Variants in PRKN observed in about 807,000 individuals in gnomAD.
The protein encoded by PRKN is parkin RBR E3 ubiquitin protein ligase, also known as E3 ubiquitin-protein ligase parkin.
Under a neutral mutation model 59.5 loss-of-function variants are expected in PRKN, and 56 were observed. The ratio of observed to expected loss-of-function variants is 0.94; its 90% CI spans 0.76 to 1.18. PRKN has a LOEUF of 1.18. Ranked by LOEUF, PRKN falls within the 50% of genes most tolerant of loss-of-function variation. The pLI, the probability that PRKN is intolerant of heterozygous loss-of-function variation, is 0.00. For synonymous variants in PRKN, 250 were observed against 222.1 expected, an observed-to-expected ratio of 1.13 and a Z score of -1.12; for missense variants, 657 against 596.4, an observed-to-expected ratio of 1.10 and a Z score of -1.06.
At chr6:162,384,671 A>C (rs1359487985) in intron 2 of PRKN, among the ~76,000 whole-genome samples, 3 of 151,912 alleles carry the variant, frequency 2.0e-5, no homozygotes, top group African/African-American at 7.3e-5. Context: ...AACAAAAAAA[A>C]AAAACACTCA....
chr6:161,392,099 T>C (rs1786530307), intron 9 of PRKN, among the ~76,000 whole-genome samples: 1 of 151,998 alleles, frequency 6.6e-6, no homozygotes. Flanking sequence ...ATAAAGCTCC[T>C]ATAGAAACAA....
chr6:162,636,303 G>C (rs1241232217), intron 1 of PRKN, among the ~76,000 whole-genome samples: 1 of 151,826 alleles, frequency 6.6e-6, no homozygotes, highest in East Asian at 1.9e-4. Context: ...AGCCCAACAT[G>C]AAATAAATAG....
intron 9 of PRKN, among the ~76,000 whole-genome samples, chr6:161,418,340 T>G (rs1787947323): frequency 6.6e-6 from 1 of 152,154 alleles, no homozygotes; most frequent in Non-Finnish European, 1.5e-5. Context: ...CTTATTTTTG[T>G]GGTGGTGGTT....
intron 9 of PRKN, among the ~76,000 whole-genome samples, chr6:161,508,697 T>A (rs1416837479): frequency 6.6e-6 from 1 of 152,190 alleles, no homozygotes; most frequent in Non-Finnish European, 1.5e-5. Context: ...AACCCTTTAA[T>A]CATTTTAATA....
chr6:161,807,733 C>T (rs994843037), intron 6 of PRKN, among the ~76,000 whole-genome samples: 3 of 152,302 alleles, frequency 2.0e-5, no homozygotes, highest in African/African-American at 7.2e-5. Context: ...CCCTCTCCTC[C>T]CCTTGTCTCT....
chr6:161,967,670 G>A (rs1780632757), intron 6 of PRKN, among the ~76,000 whole-genome samples: 1 of 152,198 alleles, frequency 6.6e-6, no homozygotes, highest in African/African-American at 2.4e-5. Flanking sequence ...TGAGGCAGAA[G>A]GCTCCGTCAT....
chr6:161,678,838 A>G (rs1000329598), intron 7 of PRKN, among the ~76,000 whole-genome samples: 1 of 152,142 alleles, frequency 6.6e-6, no homozygotes, highest in Non-Finnish European at 1.5e-5. Flanking sequence ...AAGTGCGGAG[A>G]TTACAGGCAT....
intron 2 of PRKN, among the ~76,000 whole-genome samples, chr6:162,279,936 TTGTC>T (rs533174133): frequency 8.5e-5 from 13 of 152,326 alleles, no homozygotes; most frequent in South Asian, 2.1e-4. Flanking sequence ...ATGCCTTTCT[TTGTC>T]TGTTTTGATC....
chr6:162,494,747 T>TA (rs1475744233), intron 1 of PRKN, among the ~76,000 whole-genome samples: 2 of 152,208 alleles, frequency 1.3e-5, no homozygotes, highest in Admixed American at 1.3e-4. Flanking sequence ...TATTATTAAC[T>TA]AAAAATCCCA....
chr6:162,114,697 C>A (rs1780590991), intron 4 of PRKN, among the ~76,000 whole-genome samples: 1 of 148,696 alleles, frequency 6.7e-6, no homozygotes, highest in Non-Finnish European at 1.5e-5. Flanking sequence ...CATGAACAGA[C>A]ACTTCTCAAA....
At chr6:161,491,186 G>C (rs960230651) in intron 9 of PRKN, among the ~76,000 whole-genome samples, 38 of 152,166 alleles carry the variant, frequency 2.5e-4, no homozygotes, top group African/African-American at 9.2e-4. Flanking sequence ...ATGACTTCAA[G>C]ATCTTTTGAA....
intron 7 of PRKN, among the ~76,000 whole-genome samples, chr6:161,667,354 TG>T (rs1562594945): frequency 6.6e-6 from 1 of 152,192 alleles, no homozygotes; most frequent in Non-Finnish European, 1.5e-5. Flanking sequence ...ACTCCATCCC[TG>T]GCCCCTTCCT....
chr6:162,701,161 A>C (rs967293631), intron 1 of PRKN, among the ~76,000 whole-genome samples: 4 of 152,132 alleles, frequency 2.6e-5, no homozygotes, highest in Admixed American at 1.3e-4. Flanking sequence ...AATTTATGAA[A>C]TGTGATTTTT....
At chr6:162,184,705 A>G (rs1045175125) in intron 4 of PRKN, among the ~76,000 whole-genome samples, 1 of 152,120 alleles carries the variant, frequency 6.6e-6, no homozygotes, top group South Asian at 2.1e-4. Context: ...GTGAGAACGG[A>G]CTAATACATC....
At chr6:162,275,393 G>A (rs370617725) in intron 2 of PRKN, 1 of 152,020 alleles carries the variant, frequency 6.6e-6, no homozygotes, top group African/African-American at 2.4e-5. Context: ...GTATAGGAAG[G>A]CAGAATAAAT....
intron 1 of PRKN, among the ~76,000 whole-genome samples, chr6:162,601,062 T>G (rs56398852): frequency 0.23 from 35,395 of 152,052 alleles, 4,907 homozygotes; most frequent in African/African-American, 0.38. Context: ...GGGATCCCAG[T>G]TCTAGAAGCT....
intron 1 of PRKN, among the ~76,000 whole-genome samples, chr6:162,692,798 C>CTG (rs1260783152): frequency 6.6e-6 from 1 of 152,148 alleles, no homozygotes; most frequent in Non-Finnish European, 1.5e-5. Context: ...TAAGCCATAA[C>CTG]TGTGTGTATA....
intron 1 of PRKN, among the ~76,000 whole-genome samples, chr6:162,716,126 T>C (rs1374844310): frequency 6.6e-6 from 1 of 152,240 alleles, no homozygotes; most frequent in African/African-American, 2.4e-5. Flanking sequence ...TTGCCGAATT[T>C]AACATTTTCT....
At chr6:161,436,649 T>A (rs144089145) in intron 9 of PRKN, among the ~76,000 whole-genome samples, 50 of 151,948 alleles carry the variant, frequency 3.3e-4, no homozygotes, top group African/African-American at 1.2e-3. Context: ...GGAACGTGGG[T>A]CAAATTGAAA....
Sources: allele counts gnomAD v4.1 joint callset (sites outside exome capture counted in the v4.1 genomes callset), GRCh38; gene constraint gnomAD v4.1.1; transcripts MANE v1.5; gene names NCBI Gene and HGNC (gene_info 2026-07-23, HGNC 2026-07-21).